Variants in TBC1D1 observed in about 807,000 individuals in gnomAD.
TBC1D1 encodes TBC1 (tre-2/USP6, BUB2, cdc16) domain family, member 1.
Under a neutral mutation model 125.6 loss-of-function variants are expected in TBC1D1, and 89 were observed. That is an observed-to-expected ratio of 0.71 (90% CI 0.60 to 0.85). The LOEUF is 0.85. TBC1D1 is among the 40% of genes least tolerant of loss of function. TBC1D1 has a pLI of 0.00. For synonymous variants in TBC1D1, 565 were observed against 564.1 expected (o/e 1.00, Z -0.02); for missense variants, 1,377 against 1,469.2 (o/e 0.94, Z 1.03).
intron 15 of TBC1D1, among the ~76,000 whole-genome samples, chr4:38,111,303 C>T (rs1379610756): frequency 6.6e-6 from 1 of 152,204 alleles, no homozygotes; most frequent in African/African-American, 2.4e-5. Context: ...CTAGAACAGC[C>T]ATTCCCAAAC....
chr4:37,974,489 T>C (rs1334235930), intron 2 of TBC1D1, among the ~76,000 whole-genome samples: 2 of 152,230 alleles, frequency 1.3e-5, no homozygotes, highest in Non-Finnish European at 2.9e-5. Context: ...TCCTCCCATC[T>C]TGGCATCCCA....
chr4:37,987,955 A>G (rs957474175), intron 2 of TBC1D1, among the ~76,000 whole-genome samples: 4 of 152,220 alleles, frequency 2.6e-5, no homozygotes, highest in Non-Finnish European at 5.9e-5. Context: ...TTATCGGCCT[A>G]TAGATAGCAC....
rs79949508 is a variant in TBC1D1 at position 37,964,731 on chromosome 4, C to T, written c.418-49778C>T. Among the ~76,000 whole-genome samples the T allele has an allele frequency of 9.0e-3, 1,377 of 152,366 alleles. 16 individuals carry two copies. The highest frequency in any genetic ancestry group is 0.03 in the East Asian group (157 of 5,192). Reference sequence around the variant, plus strand: ...AAGGGCCCTGCTGCCTCAGACCCAACAAGAATTTGCTTCCTTTCTCTCTTC... The same window carrying T: ...AAGGGCCCTGCTGCCTCAGACCCAATAAGAATTTGCTTCCTTTCTCTCTTC... On this transcript the variant is annotated intron_variant, in intron 2 of 19. Transcript: ENST00000261439.
intron 12 of TBC1D1, among the ~76,000 whole-genome samples, chr4:38,058,667 TC>T (rs1409231869): frequency 2.0e-5 from 3 of 152,192 alleles, no homozygotes; most frequent in Non-Finnish European, 4.4e-5. Flanking sequence ...CAACCTCTCT[TC>T]CAGGTGAAAA....
At chr4:38,088,032 T>A (rs1757833076) in intron 12 of TBC1D1, among the ~76,000 whole-genome samples, 1 of 149,946 alleles carries the variant, frequency 6.7e-6, no homozygotes, top group Non-Finnish European at 1.5e-5. Flanking sequence ...CCAGAACACA[T>A]CATAGGAATT....
At chr4:38,000,766 C>T (rs1050401041) in intron 2 of TBC1D1, among the ~76,000 whole-genome samples, 1 of 152,108 alleles carries the variant, frequency 6.6e-6, no homozygotes, top group Non-Finnish European at 1.5e-5. Flanking sequence ...TAGCACAGAC[C>T]CCACAAGTTA....
chr4:38,072,052 C>G (rs1754794475), intron 12 of TBC1D1, among the ~76,000 whole-genome samples: 1 of 152,178 alleles, frequency 6.6e-6, no homozygotes, highest in South Asian at 2.1e-4. Flanking sequence ...GACTTTGGGC[C>G]TGCTACCCAC....
intron 13 of TBC1D1, among the ~76,000 whole-genome samples, chr4:38,093,373 C>G (rs991191510): frequency 6.6e-6 from 1 of 152,164 alleles, no homozygotes; most frequent in African/African-American, 2.4e-5. Context: ...TCATCTCAGT[C>G]TACCTCACTC....
At chr4:37,925,582 G>A (rs544694461) in intron 2 of TBC1D1, among the ~76,000 whole-genome samples, 2 of 151,414 alleles carry the variant, frequency 1.3e-5, no homozygotes, top group South Asian at 4.2e-4. Flanking sequence ...TGGGCATGGT[G>A]AGGCACGCCT....
chr4:38,038,383 C>T (rs1471985043), intron 8 of TBC1D1, among the ~76,000 whole-genome samples: 1 of 152,172 alleles, frequency 6.6e-6, no homozygotes, highest in Admixed American at 6.5e-5. Flanking sequence ...CCAGATTTTA[C>T]AGTTTTAAAG....
At chr4:37,896,871 C>A (rs1189363547) in intron 1 of TBC1D1, among the ~76,000 whole-genome samples, 1 of 151,834 alleles carries the variant, frequency 6.6e-6, no homozygotes, top group Non-Finnish European at 1.5e-5. Flanking sequence ...TGTAGCATAG[C>A]AGGACACATT....
intron 12 of TBC1D1, among the ~76,000 whole-genome samples, chr4:38,081,942 T>C (rs1189481589): frequency 6.6e-6 from 1 of 152,208 alleles, no homozygotes; most frequent in African/African-American, 2.4e-5. Flanking sequence ...CCTAATTAGC[T>C]CTGTGTCCCA....
At chr4:37,915,596 G>T (rs1172131839) in intron 2 of TBC1D1, among the ~76,000 whole-genome samples, 2 of 152,152 alleles carry the variant, frequency 1.3e-5, no homozygotes, top group East Asian at 1.9e-4. Context: ...GCTTTACTCA[G>T]CCTGCTAATG....
intron 3 of TBC1D1, among the ~76,000 whole-genome samples, chr4:38,017,803 T>A (rs981234155): frequency 2.0e-5 from 3 of 151,740 alleles, no homozygotes; most frequent in African/African-American, 7.3e-5. Flanking sequence ...GCACACAGAG[T>A]AGGTTGGGTA....
At chr4:38,092,853 G>C (rs986152417) in intron 13 of TBC1D1, among the ~76,000 whole-genome samples, 11 of 151,958 alleles carry the variant, frequency 7.2e-5, no homozygotes. Flanking sequence ...GCCCTGGACC[G>C]AATGCCATTC....
In TBC1D1 at chr4:38,068,013, G is replaced by T. The variant is rs752483951; in HGVS notation, c.2050+13675G>T. Among the ~76,000 whole-genome samples, 70 of 152,216 alleles carry T rather than the reference G, an allele frequency of 4.6e-4. 3 individuals carry two copies. The highest frequency in any genetic ancestry group is 7.3e-5 in the Non-Finnish European group (5 of 68,044). On this transcript the variant is annotated intron_variant, in intron 12 of 19. Coordinates refer to ENST00000261439, the MANE Select transcript of TBC1D1 (RefSeq NM_015173.4). ...TTCTCGCCTGACGAGAGGTCTGGAT[G>T]ATGAGAGAGCAGAGCTGGCCCTGGG... is the stretch of plus-strand genomic sequence containing the variant.
chr4:38,014,044 A>G lies in TBC1D1; in HGVS notation c.418-465A>G, dbSNP rs190498982. 6.6e-6 allele frequency among the ~76,000 whole-genome samples: 1 copy of G among 152,244 alleles called. No individual in the cohort carries two copies. Among genetic ancestry groups the G allele is most frequent in the Non-Finnish European group, 1.5e-5 (1 of 68,038 alleles). The stretch of plus-strand genomic sequence containing the variant: ...TTTATTAAAGAAGACTTTCCAAAGT[A>G]TACTGCCATGAGATCTAGAATAATT... On this transcript the variant is annotated intron_variant, in intron 2 of 19. Transcript: ENST00000261439. This position sits in a 1 kb window ranked among gnomAD's most constrained non-coding sequence, Gnocchi z 5.1.
rs1042004996 is a variant in TBC1D1 at position 38,137,997 on chromosome 4, A to G, written c.*662A>G. On this transcript the variant is annotated 3_prime_UTR_variant, in exon 20 of 20. Coordinates refer to ENST00000261439, the MANE Select transcript of TBC1D1 (RefSeq NM_015173.4). The stretch of plus-strand genomic sequence containing the variant: ...ACTTTGTTCTACATCAGATTTTACT[A>G]TTTGAATGTTTAAGATCACTTTATT... 2.0e-5 allele frequency: 3 copies of G among 152,592 alleles called. No individual in the cohort carries two copies. The highest frequency in any genetic ancestry group is 4.8e-5 in the African/African-American group (2 of 41,448). 9.5% of individuals were successfully genotyped at this position (152,592 alleles called of 1,614,324 possible). A position where few individuals can be genotyped will look rare whatever the true frequency, so the allele number is the denominator to read the frequency against.
intron 12 of TBC1D1, among the ~76,000 whole-genome samples, chr4:38,081,553 C>G (rs1756559447): frequency 1.3e-5 from 2 of 152,168 alleles, no homozygotes; most frequent in African/African-American, 4.8e-5. Context: ...TCTTTTTTAT[C>G]CCCAACCCCA....
Sources: allele counts gnomAD v4.1 joint callset (sites outside exome capture counted in the v4.1 genomes callset), GRCh38; gene constraint gnomAD v4.1.1; non-coding constraint Gnocchi (gnomAD v3.1); transcripts MANE v1.5; gene names NCBI Gene and HGNC (gene_info 2026-07-23, HGNC 2026-07-21).